MED12L: variants seen among roughly 807,000 people sequenced by gnomAD.
The protein encoded by MED12L is mediator complex subunit 12L, also known as mediator of RNA polymerase II transcription subunit 12-like protein.
MED12L carries 60 observed loss-of-function variants against 281.3 expected under a neutral mutation model. That is an observed-to-expected ratio of 0.21 (90% confidence interval 0.17 to 0.26). MED12L has a LOEUF of 0.26. MED12L is among the 10% of genes least tolerant of loss of function. MED12L has a pLI of 1.00. For synonymous variants in MED12L, 974 were observed against 987.2 expected (o/e 0.99, Z 0.25); for missense variants, 2,146 against 2,680.9 (o/e 0.80, Z 4.41).
At chr3:151,206,893 C>T (rs1726455154) in intron 16 of MED12L, among the ~76,000 whole-genome samples, 1 of 152,006 alleles carries the variant, frequency 6.6e-6, no homozygotes, top group African/African-American at 2.4e-5. Context: ...ATCCACCTGC[C>T]TCGGCCTCCC....
chr3:151,252,982 A>G (rs982260362), intron 16 of MED12L, among the ~76,000 whole-genome samples: 14 of 152,196 alleles, frequency 9.2e-5, no homozygotes, highest in Non-Finnish European at 2.9e-5. Context: ...TATTTATTTT[A>G]AGGGAACTTG....
At chr3:151,299,318 G>A (rs1745537180) in intron 16 of MED12L, among the ~76,000 whole-genome samples, 1 of 147,698 alleles carries the variant, frequency 6.8e-6, no homozygotes, top group African/African-American at 2.5e-5. Context: ...GCCTAGGTCG[G>A]TCTTTCTTTC....
At chr3:151,378,383 A>G (rs1033821875) in intron 31 of MED12L, among the ~76,000 whole-genome samples, 5 of 152,204 alleles carry the variant, frequency 3.3e-5, no homozygotes, top group African/African-American at 1.2e-4. Flanking sequence ...TTCTGCCTTT[A>G]TATCCAAATC....
intron 16 of MED12L, among the ~76,000 whole-genome samples, chr3:151,330,460 A>G (rs1477531191): frequency 1.3e-5 from 2 of 152,170 alleles, no homozygotes; most frequent in Non-Finnish European, 2.9e-5. Context: ...GAAAGATGTA[A>G]TGGTGCTTTT....
chr3:151,365,635 GT>G (rs1357516644), intron 22 of MED12L, among the ~76,000 whole-genome samples: 1 of 150,104 alleles, frequency 6.7e-6, no homozygotes, highest in African/African-American at 2.4e-5. Flanking sequence ...ACTGATTATT[GT>G]TTGTTGCTTA....
chr3:151,126,974 C>T lies in MED12L; in HGVS notation c.397-851C>T, dbSNP rs559938725. 5.1e-4 allele frequency among the ~76,000 whole-genome samples: 77 copies of T among 152,214 alleles called. 1 individual carries two copies. The highest frequency in any genetic ancestry group is 1.8e-3 in the African/African-American group (73 of 41,532). On this transcript the variant is annotated intron_variant, in intron 4 of 44. Transcript: ENST00000687756. Reference sequence around the variant, plus strand: ...GCTGGCGTGGGGCATGTCCTTGGCCCTCAGTCTCATTGCTCTCATCCTGCT... The same window carrying T: ...GCTGGCGTGGGGCATGTCCTTGGCCTTCAGTCTCATTGCTCTCATCCTGCT...
At chr3:151,376,737 G>A (rs1034826682) in intron 28 of MED12L, 63 bp from the exon 29 acceptor site, 2 of 1,329,930 alleles carry the variant, frequency 1.5e-6, no homozygotes, top group Non-Finnish European at 2.2e-6. Context: ...AGTACTGTAA[G>A]AAATTACTGT....
chr3:151,353,379 A>T (rs899865345), intron 17 of MED12L, among the ~76,000 whole-genome samples: 1 of 152,234 alleles, frequency 6.6e-6, no homozygotes, highest in Non-Finnish European at 1.5e-5. Context: ...AATTTCATAC[A>T]TAATTTGTAC....
At chr3:151,250,350 T>C (rs985208154) in intron 16 of MED12L, among the ~76,000 whole-genome samples, 2 of 152,216 alleles carry the variant, frequency 1.3e-5, no homozygotes, top group African/African-American at 4.8e-5. Context: ...ATTCACATTG[T>C]TGTGTAACCA....
intron 16 of MED12L, among the ~76,000 whole-genome samples, chr3:151,298,870 C>T (rs2149711647): frequency 6.6e-6 from 1 of 152,286 alleles, no homozygotes; most frequent in African/African-American, 2.4e-5. Flanking sequence ...GTTCAAGTTT[C>T]CCGGTAACCA....
chr3:151,320,608 C>T (rs1170907452), intron 16 of MED12L, among the ~76,000 whole-genome samples: 1 of 152,148 alleles, frequency 6.6e-6, no homozygotes, highest in Non-Finnish European at 1.5e-5. Flanking sequence ...TTGTATCTAT[C>T]AGGTCTGCTT....
chr3:151,366,248 A>G (rs1577455211), intron 23 of MED12L, among the ~76,000 whole-genome samples: 2 of 152,198 alleles, frequency 1.3e-5, no homozygotes, highest in Admixed American at 1.3e-4. Context: ...TGAAATTTCC[A>G]TTTAGTTGAG....
chr3:151,402,790 G>A (rs912661464), intron 39 of MED12L, among the ~76,000 whole-genome samples: 2 of 152,124 alleles, frequency 1.3e-5, no homozygotes, highest in African/African-American at 4.8e-5. Flanking sequence ...CCCTTATAGG[G>A]CCTATGTTTT....
intron 16 of MED12L, chr3:151,336,419 G>A: frequency 2.3e-6 from 1 of 441,104 alleles, no homozygotes; most frequent in African/African-American, 2.0e-5. Context: ...AGAGGTTGTA[G>A]AGGGTTTCAA....
intron 16 of MED12L, among the ~76,000 whole-genome samples, chr3:151,246,325 C>T (rs1026331489): frequency 6.6e-5 from 10 of 151,970 alleles, no homozygotes; most frequent in Non-Finnish European, 1.3e-4. Flanking sequence ...CAATCCTAAG[C>T]CAAAAGAACA....
At chr3:151,222,065 T>A (rs906657169) in intron 16 of MED12L, among the ~76,000 whole-genome samples, 2 of 152,126 alleles carry the variant, frequency 1.3e-5, no homozygotes, top group African/African-American at 4.8e-5. Context: ...GTTTGGGAAG[T>A]TTACGATTTG....
chr3:151,339,097 G>A (rs918780913), intron 16 of MED12L, among the ~76,000 whole-genome samples: 1 of 152,118 alleles, frequency 6.6e-6, no homozygotes, highest in Non-Finnish European at 1.5e-5. Context: ...TAGATGCTTA[G>A]TATTTTTTTA....
Position 151,430,355 on chromosome 3 carries a change from G to A in MED12L, c.6465G>A (p.Val2155=), listed in dbSNP as rs1425338238. ...AGCAGCAGCAGACGGCCGCCTTGGT[G>A]CGGCAGCTCCAGAAGCAGCTTTCCA... ...TQQQQQTAAL[V]RQLQKQLSSN... Residue 2155 remains valine (V), a synonymous_variant, in exon 44 of 45, where the codon GTG becomes GTA. Coordinates refer to ENST00000687756, the MANE Select transcript of MED12L (RefSeq NM_001393769.1). 2.5e-6 allele frequency: 4 copies of A among 1,613,988 alleles called. No homozygotes were observed. The highest frequency in any genetic ancestry group is 1.3e-5 in the African/African-American group (1 of 74,910).
At chr3:151,105,029 G>C (rs2148675918) in intron 2 of MED12L, among the ~76,000 whole-genome samples, 1 of 152,282 alleles carries the variant, frequency 6.6e-6, no homozygotes, top group Middle Eastern at 3.4e-3. Flanking sequence ...CAGGGGTTAG[G>C]ACTTTGATAT....
Sources: gnomAD v4.1 joint callset for allele counts (sites outside exome capture counted in the v4.1 genomes callset) on GRCh38, gnomAD v4.1.1 for gene constraint, MANE v1.5 for transcripts, NCBI Gene and HGNC (gene_info 2026-07-23, HGNC 2026-07-21) for gene names.